GLCCI1: variants seen among roughly 807,000 people sequenced by gnomAD.
GLCCI1 encodes the protein glucocorticoid-induced transcript 1 protein.
Under a neutral mutation model 52.2 loss-of-function variants are expected in GLCCI1, and 24 were observed. The observed-to-expected ratio is 0.46, with a 90% CI of 0.33 to 0.65. The LOEUF (loss-of-function observed/expected upper bound fraction) is 0.65. Among genes scored for constraint, GLCCI1 ranks in the 30% least tolerant of loss-of-function variants. GLCCI1 has a pLI of 0.02. For missense variants in GLCCI1, 704 were observed against 701.5 expected (o/e 1.00, Z -0.04); for synonymous variants, 310 against 276.5 (o/e 1.12, Z -1.20).
chr7:8,010,195 G>A (rs115222706), intron 2 of GLCCI1, among the ~76,000 whole-genome samples: 1 of 152,158 alleles, frequency 6.6e-6, no homozygotes, highest in Admixed American at 6.5e-5. Flanking sequence ...TAGAAGACAT[G>A]ATGGTGTTAA....
chr7:7,987,796 C>T (rs1477452901), intron 1 of GLCCI1, among the ~76,000 whole-genome samples: 3 of 152,066 alleles, frequency 2.0e-5, no homozygotes, highest in African/African-American at 7.2e-5. Flanking sequence ...TGGGGTTCCA[C>T]TGTGTTGTTC....
At chr7:7,976,479 C>CAAAAAAAAAAAAA (rs35255634) in intron 1 of GLCCI1, among the ~76,000 whole-genome samples, 3,099 of 24,368 alleles carry the variant, frequency 0.13, 527 homozygotes, top group Non-Finnish European at 0.15. Context: ...AACTCCATCT[C>CAAAAAAAAAAAAA]AAAAAAAAAA....
Position 8,070,905 on chromosome 7 carries a change from G to C in GLCCI1, c.967-16G>C. On this transcript the variant is annotated splice_polypyrimidine_tract_variant and intron_variant, in intron 5 of 7. Coordinates refer to ENST00000223145, the MANE Select transcript of GLCCI1 (RefSeq NM_138426.4). ...ATGCACCAGCATTTGGATGTTTAAT[G>C]GTATTCCTCTTACAGCCGTTGGACA... 2 of 1,607,884 alleles carry C rather than the reference G, an allele frequency of 1.2e-6. No homozygotes were observed. The highest frequency in any genetic ancestry group is 1.7e-6 in the Non-Finnish European group (2 of 1,174,712).
chr7:8,053,246 C>T (rs1391386839), intron 3 of GLCCI1, among the ~76,000 whole-genome samples: 1 of 151,044 alleles, frequency 6.6e-6, no homozygotes. Flanking sequence ...ATTATTTATT[C>T]CTTGTGACCC....
chr7:7,969,976 C>G lies in GLCCI1; in HGVS notation c.457+169C>G, dbSNP rs1426127227. 2 of 924,082 alleles carry G rather than the reference C, an allele frequency of 2.2e-6. No homozygotes were observed. The highest frequency in any genetic ancestry group is 3.6e-5 in the African/African-American group (2 of 56,020). The allele number at this position is 924,082 out of a possible 1,614,324, so 57.2% of individuals were successfully genotyped here. Reference sequence around the variant, plus strand: ...TCGCTGTGGGGCTTGGAGGAGCGAACTGAAAAGCGACTTTTATTTGACCCT... The same window carrying G: ...TCGCTGTGGGGCTTGGAGGAGCGAAGTGAAAAGCGACTTTTATTTGACCCT... On this transcript the variant is annotated intron_variant, in intron 1 of 7. Coordinates refer to ENST00000223145, the MANE Select transcript of GLCCI1 (RefSeq NM_138426.4). This position sits in a 1 kb window ranked among gnomAD's most constrained non-coding sequence, Gnocchi z 4.9.
At chr7:8,054,523 C>A (rs1335374687) in intron 3 of GLCCI1, among the ~76,000 whole-genome samples, 2 of 152,034 alleles carry the variant, frequency 1.3e-5, no homozygotes, top group Admixed American at 6.5e-5. Flanking sequence ...TTCTCAGCGA[C>A]CTATATACTT....
At chr7:8,023,060 G>A (rs1280816605) in intron 3 of GLCCI1, among the ~76,000 whole-genome samples, 1 of 152,158 alleles carries the variant, frequency 6.6e-6, no homozygotes, top group African/African-American at 2.4e-5. Flanking sequence ...CTGTTGCCCA[G>A]GCTGGAATGC....
At chr7:8,009,966 CTTAA>C (rs1781232226) in intron 2 of GLCCI1, among the ~76,000 whole-genome samples, 1 of 147,390 alleles carries the variant, frequency 6.8e-6, no homozygotes, top group Non-Finnish European at 1.5e-5. Context: ...TTGCCATTTG[CTTAA>C]TTAACTTGTT....
At chr7:8,081,192 C>G (rs774019471) in intron 6 of GLCCI1, among the ~76,000 whole-genome samples, 1 of 152,172 alleles carries the variant, frequency 6.6e-6, no homozygotes, top group East Asian at 1.9e-4. Flanking sequence ...AGCTTTACCC[C>G]CCACCTCCCT....
chr7:8,023,739 C>A (rs1241388733), intron 3 of GLCCI1, among the ~76,000 whole-genome samples: 1 of 151,568 alleles, frequency 6.6e-6, no homozygotes, highest in Non-Finnish European at 1.5e-5. Context: ...GCTGGGATTA[C>A]AGATATGTGC....
intron 2 of GLCCI1, chr7:8,004,349 G>A (rs1351281120): frequency 4.6e-6 from 1 of 216,498 alleles, no homozygotes; most frequent in Admixed American, 5.6e-5. Flanking sequence ...AAAATGACTG[G>A]TAACCATTTT....
intron 2 of GLCCI1, among the ~76,000 whole-genome samples, chr7:8,017,653 T>C (rs1781406125): frequency 6.6e-6 from 1 of 152,150 alleles, no homozygotes. Flanking sequence ...AAAATTTGAA[T>C]ATGTAAGTGC....
chr7:7,971,591 A>G (rs1780354528), intron 1 of GLCCI1, among the ~76,000 whole-genome samples: 1 of 152,212 alleles, frequency 6.6e-6, no homozygotes, highest in African/African-American at 2.4e-5. Context: ...ATGGCCATCT[A>G]GTACCTCCTC....
intron 5 of GLCCI1, among the ~76,000 whole-genome samples, chr7:8,068,615 T>C (rs769859204): frequency 1.1e-4 from 16 of 152,192 alleles, no homozygotes; most frequent in Non-Finnish European, 1.5e-4. Context: ...TTCATTTCTA[T>C]ATTATGAATT....
At chr7:7,981,196 G>T (rs1780606304) in intron 1 of GLCCI1, 1 of 342,896 alleles carries the variant, frequency 2.9e-6, no homozygotes, top group Non-Finnish European at 5.6e-6. Flanking sequence ...ATAAGAAGTT[G>T]TGAAGTTATC....
chr7:8,078,144 G>T (rs1224832077), intron 6 of GLCCI1, among the ~76,000 whole-genome samples: 1 of 137,978 alleles, frequency 7.2e-6, no homozygotes, highest in Non-Finnish European at 1.5e-5. Flanking sequence ...TGAGGCAGGA[G>T]AATGGCATGA....
At chr7:7,999,623 G>T (rs1781013399) in intron 1 of GLCCI1, among the ~76,000 whole-genome samples, 1 of 151,710 alleles carries the variant, frequency 6.6e-6, no homozygotes. Flanking sequence ...AAAAGAACAA[G>T]GCTGGGAGTG....
intron 1 of GLCCI1, among the ~76,000 whole-genome samples, chr7:7,993,954 T>C (rs1780893412): frequency 6.6e-6 from 1 of 152,246 alleles, no homozygotes; most frequent in Admixed American, 6.5e-5. Flanking sequence ...CAAAAAATTC[T>C]AAGTTGAAAT....
At position 8,087,722 on chromosome 7, in the gene GLCCI1, G is replaced by A. The variant is rs1783147650; in HGVS notation, c.*1184G>A. 1 of 145,258 alleles carries A rather than the reference G, an allele frequency of 6.9e-6. No individual in the cohort carries two copies. The highest frequency in any genetic ancestry group is 1.5e-5 in the Non-Finnish European group (1 of 66,610). The allele number at this position is 145,258 out of a possible 1,614,324, so 9.0% of individuals were successfully genotyped here. A position where few individuals can be genotyped will look rare whatever the true frequency, so the allele number is the denominator to read the frequency against. On this transcript the variant is annotated 3_prime_UTR_variant, in exon 8 of 8. Transcript: ENST00000223145. ...AGAATACTTGGGTCTCAGAATTGAT[G>A]CAACATAAGCAGGTTTTTTTGGTGA...
Sources: gnomAD v4.1 joint callset for allele counts (sites outside exome capture counted in the v4.1 genomes callset) on GRCh38, gnomAD v4.1.1 for gene constraint, Gnocchi (gnomAD v3.1) non-coding constraint, MANE v1.5 for transcripts, NCBI Gene and HGNC (gene_info 2026-07-23, HGNC 2026-07-21) for gene names.